The following PHRF1 variants were observed in gnomAD, a reference collection of about 807,000 sequenced individuals.
PHRF1 encodes the protein PHD and RING finger domain-containing protein 1.
PHRF1 carries 53 observed loss-of-function variants against 128.9 expected under a neutral mutation model. That is an observed-to-expected ratio of 0.41 (90% confidence interval 0.33 to 0.52). PHRF1 has a LOEUF of 0.52. Among genes scored for constraint, PHRF1 ranks in the 20% least tolerant of loss-of-function variants. PHRF1 has a pLI of 0.21. For synonymous variants in PHRF1, 1,178 were observed against 980.6 expected (o/e 1.20, Z -3.76); for missense variants, 2,503 against 2,284.5 (o/e 1.10, Z -1.95).
intron 1 of PHRF1, among the ~76,000 whole-genome samples, chr11:580,290 C>A (rs58875072): frequency 0.039 from 5,971 of 152,258 alleles, 402 homozygotes; most frequent in African/African-American, 0.14. Context: ...AAGTTTGAGG[C>A]CCTGGTGTGG....
chr11:607,767 G>A lies in PHRF1; in HGVS notation c.2311G>A (p.Gly771Arg), dbSNP rs199939943. Residue 771 changes from glycine to arginine, a missense_variant, in exon 14 of 18, where the codon GGG becomes AGG. Coordinates refer to ENST00000264555, the MANE Select transcript of PHRF1 (RefSeq NM_001286581.2). ...PLGPSRGKGV[G>R]STFESFRINI... is the part of the protein sequence containing the mutation. ...GGGACCATCAAGAGGGAAAGGGGTC[G>A]GGTCGACCTTTGAGAGCTTCCGGAT... 59 of 1,612,398 alleles carry A rather than the reference G, an allele frequency of 3.7e-5. No homozygotes were observed. The highest frequency in any genetic ancestry group is 8.0e-5 in the African/African-American group (6 of 74,920).
In PHRF1 at chr11:608,365, C is replaced by T. The variant is rs1856095298; in HGVS notation, c.2909C>T (p.Ala970Val). ...VTCVTVVEPE[A>V]PPSPDVLQAA... is the part of the protein sequence containing the mutation. ...TGTGTGACTGTCGTGGAGCCGGAAG[C>T]CCCACCCAGCCCGGACGTGCTGCAG... The change falls in exon 14 of 18, where the codon GCC becomes GTC. Residue 970 changes from alanine (A) to valine (V), a missense_variant. By Grantham distance (64) the Ala-to-Val change is moderately conservative (BLOSUM62 0). Transcript: ENST00000264555. 3 of 1,610,558 alleles carry T rather than the reference C, an allele frequency of 1.9e-6. No individual in the cohort carries two copies. Among genetic ancestry groups the T allele is most frequent in the Non-Finnish European group, 2.5e-6 (3 of 1,179,140 alleles).
At chr11:603,068 G>GT (rs575083572) in intron 10 of PHRF1, among the ~76,000 whole-genome samples, 152 of 151,838 alleles carry the variant, frequency 1.0e-3, no homozygotes, top group African/African-American at 3.6e-3. Flanking sequence ...CCTTTGTTTT[G>GT]TTTTTTGAGA....
rs754707062 is a variant in PHRF1 at position 611,907 on chromosome 11, TG to T, written c.*136del. 2 of 1,416,386 alleles carry T rather than the reference TG, an allele frequency of 1.4e-6. No individual in the cohort carries two copies. The highest frequency in any genetic ancestry group is 2.4e-5 in the Admixed American group (1 of 41,198). 87.7% of individuals were successfully genotyped at this position (1,416,386 alleles called of 1,614,324 possible). A position where few individuals can be genotyped will look rare whatever the true frequency, so the allele number is the denominator to read the frequency against. On this transcript the variant is annotated 3_prime_UTR_variant, in exon 18 of 18. Coordinates refer to ENST00000264555, the MANE Select transcript of PHRF1 (RefSeq NM_001286581.2). The stretch of plus-strand genomic sequence containing the variant: ...GGGAGCTGTCGGGAGTGGCGGGAAA[TG>T]GGGGGCATCACCATGCCTGCCGTCG...
chr11:580,836 CCGCCACCA>C (rs1443720795), intron 1 of PHRF1, among the ~76,000 whole-genome samples: 1 of 151,902 alleles, frequency 6.6e-6, no homozygotes, highest in Non-Finnish European at 1.5e-5. Context: ...TTACAGGCGC[CCGCCACCA>C]CGCCTGGCTA....
rs1564862088 is a variant in PHRF1, at chr11:606,612, GCCA to G, written c.1609+18_1609+20del. The G allele has an allele frequency of 5.0e-6, 8 of 1,586,276 alleles. No individual in the cohort carries two copies. In the South Asian group the frequency reaches 8.9e-5, roughly 18 times the overall value. On this transcript the variant is annotated intron_variant, in intron 13 of 17. Transcript: ENST00000264555. ...AAGAGGGCGGGTGAGTGCCTTCCCT[GCCA>G]CGGCCCCTTCCTCTGTGGGCTGCTG...
rs1340320019 is a variant in PHRF1, at chr11:607,554, C to T, written c.2098C>T (p.His700Tyr). Residue 700 changes from histidine to tyrosine, a missense_variant, in exon 14 of 18, where the codon CAC (histidine) becomes TAC (tyrosine). Coordinates refer to ENST00000264555, the MANE Select transcript of PHRF1 (RefSeq NM_001286581.2). ...TGGCAGACGGGATGCGGCCCCGGCC[C>T]ACGGGCAGAGCATTGAGATCCCCAG... Reference protein sequence around the residue: ...GGGRRDAAPAHGQSIEIPSAC... With the variant: ...GGGRRDAAPAYGQSIEIPSAC... The T allele has an allele frequency of 6.2e-7, 1 of 1,612,298 alleles. No homozygotes were observed. The highest frequency in any genetic ancestry group is 8.5e-7 in the Non-Finnish European group (1 of 1,179,790).
chr11:605,510 G>A, intron 11 of PHRF1, 95 bp from the exon 12 acceptor site: 1 of 1,547,302 alleles, frequency 6.5e-7, no homozygotes, highest in Non-Finnish European at 8.7e-7. Context: ...CACATGGCCA[G>A]TGCTCGGCCA....
At chr11:585,828 C>G (rs979461604) in intron 3 of PHRF1, among the ~76,000 whole-genome samples, 1 of 150,100 alleles carries the variant, frequency 6.7e-6, no homozygotes, top group Non-Finnish European at 1.5e-5. Flanking sequence ...CTATAGGCAC[C>G]TGCCACCGCG....
rs941280218 is a variant in PHRF1 at position 581,887 on chromosome 11, C to G, written c.95-75C>G. ...GCAGGTGCTCCTGACGCCTCTATGC[C>G]TGTGCAAAGCAACCTGCTCTCTGCT... On this transcript the variant is annotated intron_variant, in intron 2 of 17. Transcript: ENST00000264555. 5 of 1,482,566 alleles carry G rather than the reference C, an allele frequency of 3.4e-6. No homozygotes were observed. The African/African-American group carries it at 7.1e-5, about 21-fold the overall frequency. 91.8% of individuals were successfully genotyped at this position (1,482,566 alleles called of 1,614,324 possible). A position where few individuals can be genotyped will look rare whatever the true frequency, so the allele number is the denominator to read the frequency against.
intron 9 of PHRF1, among the ~76,000 whole-genome samples, chr11:600,040 C>T (rs1287585435): frequency 6.6e-6 from 1 of 152,050 alleles, no homozygotes; most frequent in African/African-American, 2.4e-5. Flanking sequence ...TATGTCACTA[C>T]AGATGTGCAG....
In PHRF1 at chr11:609,261, C is replaced by T. The variant is rs1365719260; in HGVS notation, c.3805C>T (p.His1269Tyr). The T allele has an allele frequency of 6.2e-7, 1 of 1,612,072 alleles. No individual in the cohort carries two copies. The highest frequency in any genetic ancestry group is 1.7e-5 in the Admixed American group (1 of 60,032). ...TTATGGCGACTCCGTGGAGGCCGGACACGTCTTTGATGATTTCTCAAGCGA... is the reference window on the plus strand; with the variant it reads ...TTATGGCGACTCCGTGGAGGCCGGATACGTCTTTGATGATTTCTCAAGCGA... ...LDYGDSVEAGHVFDDFSSDAV... is the reference protein window; with the variant it reads ...LDYGDSVEAGYVFDDFSSDAV... The change falls in exon 14 of 18, where the codon CAC becomes TAC. Residue 1269 changes from histidine to tyrosine, a missense_variant. His to Tyr is a moderately conservative substitution (Grantham distance 83). Coordinates refer to ENST00000264555, the MANE Select transcript of PHRF1 (RefSeq NM_001286581.2).
chr11:579,522 G>T (rs192660020), intron 1 of PHRF1, among the ~76,000 whole-genome samples: 2 of 152,320 alleles, frequency 1.3e-5, no homozygotes, highest in East Asian at 3.9e-4. Context: ...AGGTCTCAGT[G>T]CATGCTGTGG....
At chr11:581,828 C>A in intron 2 of PHRF1, 134 bp from the exon 3 acceptor site, 7 of 1,325,938 alleles carry the variant, frequency 5.3e-6, no homozygotes, top group Non-Finnish European at 6.1e-6. Flanking sequence ...TGTGCCCCCA[C>A]CTTGCCGGCC....
chr11:591,917 T>G (rs891546622), intron 5 of PHRF1, among the ~76,000 whole-genome samples: 4 of 151,256 alleles, frequency 2.6e-5, no homozygotes, highest in Admixed American at 6.6e-5. Flanking sequence ...CGGCTGTTTT[T>G]TTTTTTTTTT....
At chr11:583,625 G>A (rs1589860233) in intron 3 of PHRF1, among the ~76,000 whole-genome samples, 1 of 152,240 alleles carries the variant, frequency 6.6e-6, no homozygotes, top group Admixed American at 6.5e-5. Flanking sequence ...GGGTGTGGTG[G>A]CCCAGGCCCA....
At chr11:600,090 C>G (rs1855538714) in intron 9 of PHRF1, among the ~76,000 whole-genome samples, 1 of 151,994 alleles carries the variant, frequency 6.6e-6, no homozygotes, top group African/African-American at 2.4e-5. Context: ...GTCCACCTGC[C>G]TCGGCCTCCC....
At chr11:598,688 T>G (rs756494623) in intron 9 of PHRF1, among the ~76,000 whole-genome samples, 186 bp downstream of exon 9, 9 of 152,274 alleles carry the variant, frequency 5.9e-5, no homozygotes, top group Middle Eastern at 3.2e-3. Flanking sequence ...TGTGCCGATC[T>G]GCGACCACGC....
intron 9 of PHRF1, among the ~76,000 whole-genome samples, chr11:599,306 A>G (rs1468563916): frequency 7.9e-6 from 1 of 126,766 alleles, no homozygotes; most frequent in Non-Finnish European, 1.5e-5. Flanking sequence ...GCTGGAGTGC[A>G]GTGGCATGAT....
Sources: allele counts gnomAD v4.1 joint callset (sites outside exome capture counted in the v4.1 genomes callset), GRCh38; gene constraint gnomAD v4.1.1; transcripts MANE v1.5; gene names NCBI Gene and HGNC (gene_info 2026-07-23, HGNC 2026-07-21).